The following DCC variants were observed in gnomAD, a reference collection of about 807,000 sequenced individuals.
The protein encoded by DCC is netrin receptor DCC.
A neutral mutation model predicts 172.5 loss-of-function variants in DCC; 58 were observed. That is an observed-to-expected ratio of 0.34 (90% confidence interval 0.27 to 0.42). The LOEUF (loss-of-function observed/expected upper bound fraction) is 0.42, where lower values mean the gene tolerates loss of function less well. Ranked by LOEUF, DCC falls within the 10% of genes least tolerant of loss-of-function variation. The pLI is 1.00. For synonymous variants in DCC, 709 were observed against 644.5 expected, an observed-to-expected ratio of 1.10 and a Z score of -1.52; for missense variants, 1,740 against 1,791.0, an observed-to-expected ratio of 0.97 and a Z score of 0.51.
At chr18:53,125,242 G>A (rs2043538575) in intron 7 of DCC, among the ~76,000 whole-genome samples, 1 of 152,022 alleles carries the variant, frequency 6.6e-6, no homozygotes, top group African/African-American at 2.4e-5. Flanking sequence ...GAGGTTAGGA[G>A]TTTTATTTTG....
chr18:53,274,379 T>A (rs1388626980), intron 12 of DCC, among the ~76,000 whole-genome samples: 2 of 152,172 alleles, frequency 1.3e-5, no homozygotes, highest in Non-Finnish European at 2.9e-5. Context: ...ATTCCACTTT[T>A]CATCCTATTA....
At chr18:53,225,104 G>T (rs2144601256) in intron 12 of DCC, among the ~76,000 whole-genome samples, 1 of 152,204 alleles carries the variant, frequency 6.6e-6, no homozygotes, top group South Asian at 2.1e-4. Context: ...CAAAGGGTGG[G>T]AGCTGTTAAC....
intron 12 of DCC, among the ~76,000 whole-genome samples, chr18:53,263,226 A>G (rs758475600): frequency 6.5e-4 from 99 of 152,172 alleles, no homozygotes; most frequent in Admixed American, 1.6e-3. Flanking sequence ...ATCTCAGCTC[A>G]CTGCAGCCTC....
intron 21 of DCC, among the ~76,000 whole-genome samples, chr18:53,419,603 A>G (rs1392687393): frequency 6.6e-6 from 1 of 152,024 alleles, no homozygotes; most frequent in East Asian, 1.9e-4. Flanking sequence ...GGGCCTATGT[A>G]ATGGTAAAAT....
intron 14 of DCC, among the ~76,000 whole-genome samples, chr18:53,325,222 T>G (rs561622924): frequency 6.7e-6 from 1 of 149,950 alleles, no homozygotes; most frequent in African/African-American, 2.5e-5. Context: ...AAAAAAAGTT[T>G]TATGCTTTGA....
At chr18:52,942,503 C>A (rs192525543) in intron 5 of DCC, among the ~76,000 whole-genome samples, 16 of 152,034 alleles carry the variant, frequency 1.1e-4, no homozygotes, top group African/African-American at 3.9e-4. Flanking sequence ...ATAATCGGGG[C>A]TGGAAAGAAA....
chr18:53,471,084 A>G (rs141635605), intron 25 of DCC, among the ~76,000 whole-genome samples: 1 of 152,266 alleles, frequency 6.6e-6, no homozygotes, highest in Non-Finnish European at 1.5e-5. Flanking sequence ...AGCTACCATC[A>G]TCTCTTACAG....
At chr18:52,422,749 G>A (rs1056041731) in intron 1 of DCC, among the ~76,000 whole-genome samples, 2 of 152,150 alleles carry the variant, frequency 1.3e-5, no homozygotes, top group Non-Finnish European at 1.5e-5. Context: ...GCGGCAATGG[G>A]GTGGGTTAAG....
chr18:52,388,643 G>C (rs1014714308), intron 1 of DCC, among the ~76,000 whole-genome samples: 4 of 151,548 alleles, frequency 2.6e-5, no homozygotes, highest in Non-Finnish European at 5.9e-5. Context: ...TCAACTTTCT[G>C]TCAGCTTCCT....
chr18:52,716,950 T>A (rs1175886862), intron 1 of DCC, among the ~76,000 whole-genome samples: 1 of 152,184 alleles, frequency 6.6e-6, no homozygotes, highest in Non-Finnish European at 1.5e-5. Context: ...TAAATGGAAT[T>A]ACAAGTGACC....
intron 1 of DCC, among the ~76,000 whole-genome samples, chr18:52,605,235 A>G (rs1370482170): frequency 6.6e-6 from 1 of 152,128 alleles, no homozygotes; most frequent in Non-Finnish European, 1.5e-5. Context: ...TGGAAAAGTT[A>G]AGCACTGTTC....
At chr18:52,628,366 T>A (rs1183651380) in intron 1 of DCC, among the ~76,000 whole-genome samples, 2 of 152,346 alleles carry the variant, frequency 1.3e-5, no homozygotes, top group Middle Eastern at 3.4e-3. Flanking sequence ...ATCCAATGTG[T>A]CTTTCACTGT....
In DCC at chr18:53,374,245, T is replaced by C. The variant is rs375524242; in HGVS notation, c.2360-11798T>C. ...CCACATGTGGCCAGTGACTACCACA[T>C]TGGACAGCAATAATACAGAAAACTT... is the stretch of plus-strand genomic sequence containing the variant. On this transcript the variant is annotated intron_variant, in intron 15 of 28. Coordinates refer to ENST00000442544, the MANE Select transcript of DCC (RefSeq NM_005215.4). Among the ~76,000 whole-genome samples the C allele has an allele frequency of 2.2e-4, 34 of 152,290 alleles. No homozygotes were observed. The East Asian group carries it at 5.8e-3, about 26-fold the overall frequency.
intron 5 of DCC, among the ~76,000 whole-genome samples, chr18:52,986,663 T>A (rs1399807104): frequency 6.6e-6 from 1 of 152,038 alleles, no homozygotes; most frequent in Non-Finnish European, 1.5e-5. Context: ...CTAATTTCAG[T>A]AGGATTTTTA....
intron 27 of DCC, among the ~76,000 whole-genome samples, chr18:53,506,403 A>T (rs2144502873): frequency 6.6e-6 from 1 of 152,318 alleles, no homozygotes; most frequent in East Asian, 1.9e-4. Context: ...ATGTTTAATA[A>T]TCTGAACTAT....
intron 13 of DCC, among the ~76,000 whole-genome samples, chr18:53,309,951 T>A (rs1049188989): frequency 7.8e-6 from 1 of 128,108 alleles, no homozygotes; most frequent in Admixed American, 8.8e-5. Flanking sequence ...TATACATGTA[T>A]ATATACGTGT....
chr18:52,705,255 AT>A (rs1198655163), intron 1 of DCC, among the ~76,000 whole-genome samples: 1 of 152,166 alleles, frequency 6.6e-6, no homozygotes, highest in Non-Finnish European at 1.5e-5. Flanking sequence ...ATTCCTAAAA[AT>A]TCCTGGTTTT....
intron 1 of DCC, among the ~76,000 whole-genome samples, chr18:52,493,906 C>T (rs900136529): frequency 6.6e-6 from 1 of 151,890 alleles, no homozygotes; most frequent in Non-Finnish European, 1.5e-5. Context: ...CACTAATTTC[C>T]CTTGAAATAT....
chr18:52,714,245 AGC>A (rs1228322706), intron 1 of DCC, among the ~76,000 whole-genome samples: 5 of 152,248 alleles, frequency 3.3e-5, no homozygotes, highest in Non-Finnish European at 5.9e-5. Context: ...AGCCTCTCAG[AGC>A]CACTGCAAAC....
Sources: gnomAD v4.1 joint callset for allele counts (sites outside exome capture counted in the v4.1 genomes callset) on GRCh38, gnomAD v4.1.1 for gene constraint, MANE v1.5 for transcripts, NCBI Gene and HGNC (gene_info 2026-07-23, HGNC 2026-07-21) for gene names.